CCDC178: variants seen among roughly 807,000 people sequenced by gnomAD.
CCDC178 encodes coiled-coil domain-containing protein 178.
Under a neutral mutation model 117.4 loss-of-function variants are expected in CCDC178, and 126 were observed. The observed-to-expected ratio is 1.07, with a 90% CI of 0.93 to 1.24. CCDC178 has a LOEUF of 1.24. Ranked by LOEUF, CCDC178 falls within the 50% of genes most tolerant of loss-of-function variation. CCDC178 has a pLI of 0.00. For missense variants in CCDC178, 1,030 were observed against 986.9 expected, an observed-to-expected ratio of 1.04 and a Z score of -0.59; for synonymous variants, 283 against 313.4, an observed-to-expected ratio of 0.90 and a Z score of 1.02.
chr18:33,376,615 A>G (rs1349831242), intron 5 of CCDC178, among the ~76,000 whole-genome samples: 1 of 152,068 alleles, frequency 6.6e-6, no homozygotes, highest in African/African-American at 2.4e-5. Flanking sequence ...TCTCCTCCCT[A>G]TAGTAATCCC....
At chr18:33,384,409 C>T (rs370553766) in intron 5 of CCDC178, among the ~76,000 whole-genome samples, 60 of 152,208 alleles carry the variant, frequency 3.9e-4, no homozygotes, top group African/African-American at 1.4e-3. Context: ...GACACATAAT[C>T]ATCAGATTCT....
chr18:33,015,480 G>C (rs2055966223), intron 21 of CCDC178, among the ~76,000 whole-genome samples: 1 of 151,834 alleles, frequency 6.6e-6, no homozygotes, highest in South Asian at 2.1e-4. Context: ...CAGGAGAATG[G>C]CGTGAACCTG....
intron 15 of CCDC178, among the ~76,000 whole-genome samples, chr18:33,241,464 GTGTGT>G (rs1173263158): frequency 2.7e-5 from 3 of 109,942 alleles, no homozygotes; most frequent in Middle Eastern, 5.1e-3. Flanking sequence ...GTGTGTGTGT[GTGTGT>G]AGAGAGAGAC....
chr18:32,999,217 G>A (rs2055580116), intron 21 of CCDC178, among the ~76,000 whole-genome samples: 1 of 152,090 alleles, frequency 6.6e-6, no homozygotes, highest in Non-Finnish European at 1.5e-5. Flanking sequence ...CCTTGAGCCT[G>A]GTGCAGTGGT....
At chr18:32,981,237 C>CA (rs1203207930) in intron 21 of CCDC178, among the ~76,000 whole-genome samples, 3 of 151,724 alleles carry the variant, frequency 2.0e-5, no homozygotes, top group Admixed American at 1.3e-4. Context: ...GTTAGAGAAA[C>CA]AAAAAAATCT....
At chr18:33,436,064 T>C (rs1195063972) in intron 2 of CCDC178, among the ~76,000 whole-genome samples, 7 of 151,938 alleles carry the variant, frequency 4.6e-5, no homozygotes, top group Non-Finnish European at 8.8e-5. Flanking sequence ...TCAGATCACA[T>C]AACAACAGCA....
chr18:33,154,574 T>C (rs2058373861), intron 20 of CCDC178, among the ~76,000 whole-genome samples: 1 of 152,138 alleles, frequency 6.6e-6, no homozygotes, highest in South Asian at 2.1e-4. Context: ...TAATAAAACA[T>C]ATAAATAATG....
chr18:33,224,628 C>A, intron 17 of CCDC178, 147 bp downstream of exon 17: 1 of 463,256 alleles, frequency 2.2e-6, no homozygotes, highest in Non-Finnish European at 3.7e-6. Flanking sequence ...AGTTTCACTG[C>A]AGATCAAGTT....
intron 20 of CCDC178, among the ~76,000 whole-genome samples, chr18:33,175,250 CA>C (rs2058651454): frequency 6.6e-6 from 1 of 151,706 alleles, no homozygotes; most frequent in Non-Finnish European, 1.5e-5. Flanking sequence ...AATCTGTCTT[CA>C]AATTCTTTTG....
At chr18:33,062,565 G>C (rs1314087841) in intron 21 of CCDC178, among the ~76,000 whole-genome samples, 1 of 152,194 alleles carries the variant, frequency 6.6e-6, no homozygotes, top group Non-Finnish European at 1.5e-5. Context: ...GTGACGGACA[G>C]AAAGGTAAGC....
intron 7 of CCDC178, among the ~76,000 whole-genome samples, chr18:33,352,152 G>A (rs59387512): frequency 1.3e-5 from 2 of 151,988 alleles, no homozygotes. Context: ...AGTTTTAGTA[G>A]TTTATGTGTT....
At chr18:33,236,364 A>G (rs2059426725) in intron 15 of CCDC178, among the ~76,000 whole-genome samples, 1 of 152,204 alleles carries the variant, frequency 6.6e-6, no homozygotes, top group Admixed American at 6.5e-5. Context: ...ATCTAAGGAA[A>G]ATCTAGAAAT....
rs534353503 is a variant in CCDC178, at chr18:33,277,811, T to G, written c.1177-10514A>C. On this transcript the variant is annotated intron_variant, in intron 12 of 22. Transcript: ENST00000383096. ...AAAGTTATGCTTTCAAAGACTCATGTAATTACCATTACAATCCAGGATAAT... is the reference window on the plus strand; with the variant it reads ...AAAGTTATGCTTTCAAAGACTCATGGAATTACCATTACAATCCAGGATAAT... Among the ~76,000 whole-genome samples, 177 of 152,292 alleles carry G rather than the reference T, an allele frequency of 1.2e-3. 4 individuals are homozygous for G. In the South Asian group the frequency reaches 0.036, roughly 31 times the overall value.
chr18:33,319,405 T>C (rs1024595719), intron 11 of CCDC178, among the ~76,000 whole-genome samples: 1 of 152,184 alleles, frequency 6.6e-6, no homozygotes, highest in Non-Finnish European at 1.5e-5. Context: ...TATTCCATGG[T>C]GTATATGTGC....
intron 14 of CCDC178, among the ~76,000 whole-genome samples, chr18:33,254,013 A>T (rs569889368): frequency 6.6e-6 from 1 of 151,794 alleles, no homozygotes; most frequent in South Asian, 2.1e-4. Flanking sequence ...AGACTGCATG[A>T]CTCTTTATAG....
intron 20 of CCDC178, among the ~76,000 whole-genome samples, chr18:33,197,651 C>T (rs976663412): frequency 3.3e-5 from 5 of 151,528 alleles, no homozygotes; most frequent in African/African-American, 4.9e-5. Flanking sequence ...TACTTATGCT[C>T]GAACCCTGAA....
intron 3 of CCDC178, among the ~76,000 whole-genome samples, chr18:33,403,768 G>T (rs2063742864): frequency 6.6e-6 from 1 of 152,236 alleles, no homozygotes; most frequent in Admixed American, 6.5e-5. Context: ...AGAAGTGTAA[G>T]ATCTAATTGA....
intron 12 of CCDC178, among the ~76,000 whole-genome samples, chr18:33,292,517 G>T (rs2060180346): frequency 6.6e-6 from 1 of 152,022 alleles, no homozygotes; most frequent in Admixed American, 6.6e-5. Flanking sequence ...GCACTGTAGA[G>T]TGACTCTAGT....
chr18:33,150,096 G>A (rs1324383629), intron 20 of CCDC178, among the ~76,000 whole-genome samples: 1 of 152,092 alleles, frequency 6.6e-6, no homozygotes, highest in Non-Finnish European at 1.5e-5. Flanking sequence ...AATACTTACA[G>A]CTAACTGATC....
Sources: gnomAD v4.1 joint callset for allele counts (sites outside exome capture counted in the v4.1 genomes callset) on GRCh38, gnomAD v4.1.1 for gene constraint, MANE v1.5 for transcripts, NCBI Gene and HGNC (gene_info 2026-07-23, HGNC 2026-07-21) for gene names.